ACBD6: variants seen among roughly 807,000 people sequenced by gnomAD.
ACBD6 encodes the protein acyl-CoA binding domain containing 6, also known as acyl-CoA-binding domain-containing protein 6.
A neutral mutation model predicts 37.2 loss-of-function variants in ACBD6; 28 were observed. The observed-to-expected ratio is 0.75, with a 90% CI of 0.56 to 1.03. The LOEUF is 1.03. Ranked by LOEUF, ACBD6 falls within the 50% of genes least tolerant of loss-of-function variation. ACBD6 has a pLI of 0.00. For missense variants in ACBD6, 340 were observed against 337.4 expected (o/e 1.01, Z -0.06); for synonymous variants, 113 against 126.8 (o/e 0.89, Z 0.73).
chr1:180,412,075 T>G (rs953517590), intron 5 of ACBD6, among the ~76,000 whole-genome samples: 1 of 151,674 alleles, frequency 6.6e-6, no homozygotes, highest in Non-Finnish European at 1.5e-5. Context: ...TCTGCAATAT[T>G]TCAGAGGTAT....
chr1:180,401,005 T>C (rs564681978), intron 5 of ACBD6, among the ~76,000 whole-genome samples: 1 of 152,126 alleles, frequency 6.6e-6, no homozygotes, highest in Non-Finnish European at 1.5e-5. Context: ...TGATATAATC[T>C]CTTATAAATT....
chr1:180,281,729 C>T (rs1649314705), intron 8 of ACBD6, among the ~76,000 whole-genome samples: 1 of 151,884 alleles, frequency 6.6e-6, no homozygotes, highest in Admixed American at 6.6e-5. Flanking sequence ...CATAGTTCAG[C>T]CACTACTGTG....
intron 6 of ACBD6, among the ~76,000 whole-genome samples, chr1:180,368,760 G>C (rs760824772): frequency 4.6e-5 from 7 of 151,378 alleles, no homozygotes; most frequent in African/African-American, 7.3e-5. Flanking sequence ...GGCACAGTAA[G>C]AGATCAGCAA....
rs542272803 is a variant in ACBD6, at chr1:180,402,141, A to G, written c.574-4536T>C. ...CCTGTAATGTCCCCATCTCCTCTGT[A>G]CTATCTTCTACCTTTTGCTGCTACT... On this transcript the variant is annotated intron_variant, in intron 5 of 7. Coordinates refer to ENST00000367595, the MANE Select transcript of ACBD6 (RefSeq NM_032360.4). Among the ~76,000 whole-genome samples, 3 of 152,242 alleles carry G rather than the reference A, an allele frequency of 2.0e-5. No individual in the cohort carries two copies. The East Asian group carries it at 5.8e-4, about 29-fold the overall frequency.
chr1:180,282,913 C>A (rs1048492775), intron 8 of ACBD6, among the ~76,000 whole-genome samples: 2 of 150,284 alleles, frequency 1.3e-5, no homozygotes, highest in Non-Finnish European at 2.9e-5. Context: ...ATGCACAAGT[C>A]TGTTCAGTCA....
intron 6 of ACBD6, 66 bp downstream of exon 6, chr1:180,397,450 T>A: frequency 7.2e-7 from 1 of 1,389,610 alleles, no homozygotes; most frequent in Non-Finnish European, 1.0e-6. Context: ...GTTAATCTGG[T>A]AAATTTTATG....
At chr1:180,386,827 T>C (rs1162068687) in intron 6 of ACBD6, among the ~76,000 whole-genome samples, 1 of 108,842 alleles carries the variant, frequency 9.2e-6, no homozygotes, top group East Asian at 2.9e-4. Context: ...TCAAGAATGT[T>C]TGTAACTACT....
At chr1:180,426,966 C>T (rs1378519105) in intron 4 of ACBD6, among the ~76,000 whole-genome samples, 1 of 152,152 alleles carries the variant, frequency 6.6e-6, no homozygotes, top group African/African-American at 2.4e-5. Flanking sequence ...AATTATATTA[C>T]AGAACAATTA....
At chr1:180,500,268 G>A (rs1178478821) in intron 1 of ACBD6, among the ~76,000 whole-genome samples, 1 of 152,102 alleles carries the variant, frequency 6.6e-6, no homozygotes, top group Non-Finnish European at 1.5e-5. Flanking sequence ...AAACAAAATA[G>A]GCTATTATCC....
At chr1:180,493,264 A>AAAAC (rs1557893766) in intron 2 of ACBD6, among the ~76,000 whole-genome samples, 1 of 141,100 alleles carries the variant, frequency 7.1e-6, no homozygotes, top group Non-Finnish European at 1.5e-5. Flanking sequence ...AAAAAAAAAA[A>AAAAC]AAAAAAAAAA....
intron 3 of ACBD6, among the ~76,000 whole-genome samples, chr1:180,488,610 T>C (rs1345614235): frequency 6.6e-6 from 1 of 152,092 alleles, no homozygotes; most frequent in Non-Finnish European, 1.5e-5. Context: ...GGTCTCACTC[T>C]GTCACCCAGA....
At chr1:180,457,730 T>C (rs2102036900) in intron 3 of ACBD6, among the ~76,000 whole-genome samples, 1 of 151,230 alleles carries the variant, frequency 6.6e-6, no homozygotes, top group South Asian at 2.1e-4. Context: ...TAAAGACATA[T>C]AGGCATACAC....
In ACBD6 at chr1:180,318,453, C is replaced by G. The variant is rs188601693; in HGVS notation, c.664-3731G>C. ...ATTGATTCCTATATGCTTTTTGATTCTGGACTATAAGTTTATTTTAAGGGG... is the reference window on the plus strand; with the variant it reads ...ATTGATTCCTATATGCTTTTTGATTGTGGACTATAAGTTTATTTTAAGGGG... On this transcript the variant is annotated intron_variant, in intron 6 of 7. Coordinates refer to ENST00000367595, the MANE Select transcript of ACBD6 (RefSeq NM_032360.4). 8.6e-5 allele frequency among the ~76,000 whole-genome samples: 13 copies of G among 152,044 alleles called. No individual in the cohort carries two copies. The East Asian group carries it at 2.1e-3, about 25-fold the overall frequency.
intron 7 of ACBD6, among the ~76,000 whole-genome samples, chr1:180,297,310 C>A (rs1649957317): frequency 6.6e-6 from 1 of 152,100 alleles, no homozygotes; most frequent in Non-Finnish European, 1.5e-5. Context: ...CTTATCCTGA[C>A]AAGCTTAGGC....
intron 3 of ACBD6, among the ~76,000 whole-genome samples, chr1:180,465,920 T>C (rs554212254): frequency 8.6e-5 from 13 of 151,814 alleles, no homozygotes; most frequent in African/African-American, 3.1e-4. Flanking sequence ...GAAAACCAAA[T>C]ACCGTATGTT....
intron 6 of ACBD6, among the ~76,000 whole-genome samples, chr1:180,380,185 C>G (rs185672640): frequency 1.3e-5 from 2 of 152,132 alleles, no homozygotes; most frequent in African/African-American, 2.4e-5. Flanking sequence ...TGCTTGAGCC[C>G]GGGAAATCAT....
Position 180,502,145 on chromosome 1 carries a change from C to G in ACBD6, c.122G>C (p.Cys41Ser), listed in dbSNP as rs1234120117. 2 of 1,614,082 alleles carry G rather than the reference C, an allele frequency of 1.2e-6. No homozygotes were observed. The highest frequency in any genetic ancestry group is 8.5e-7 in the Non-Finnish European group (1 of 1,179,992). Residue 41 changes from cysteine to serine, a missense_variant, in exon 1 of 8, where the codon TGC (cysteine) becomes TCC (serine). Transcript: ENST00000367595. The part of the protein sequence containing the change: ...PHSPEIEETS[C>S]LAELFEKAAA... Reference sequence around the variant, plus strand: ...AGCCTTCTCAAACAGCTCGGCCAGGCAACTGGTCTCCTCGATCTCAGGGCT... The same window carrying G: ...AGCCTTCTCAAACAGCTCGGCCAGGGAACTGGTCTCCTCGATCTCAGGGCT...
chr1:180,337,947 T>C (rs878960768), intron 6 of ACBD6, among the ~76,000 whole-genome samples: 1 of 152,162 alleles, frequency 6.6e-6, no homozygotes, highest in Admixed American at 6.5e-5. Flanking sequence ...TTACAAGGGA[T>C]GTGAAGGACC....
intron 3 of ACBD6, among the ~76,000 whole-genome samples, chr1:180,457,283 G>A (rs898451412): frequency 6.6e-6 from 1 of 152,070 alleles, no homozygotes; most frequent in Non-Finnish European, 1.5e-5. Context: ...AAGCAGAGAG[G>A]GGCCACATCT....
Sources: allele counts gnomAD v4.1 joint callset (sites outside exome capture counted in the v4.1 genomes callset), GRCh38; gene constraint gnomAD v4.1.1; transcripts MANE v1.5; gene names NCBI Gene and HGNC (gene_info 2026-07-23, HGNC 2026-07-21).